Variants in CAMKMT observed in about 807,000 individuals in gnomAD.
CAMKMT encodes the protein calmodulin-lysine N-methyltransferase.
Under a neutral mutation model 48.0 loss-of-function variants are expected in CAMKMT, and 53 were observed. The observed-to-expected ratio is 1.10, with a 90% CI of 0.89 to 1.39. CAMKMT has a LOEUF of 1.39. Among genes scored for constraint, CAMKMT ranks in the 40% most tolerant of loss-of-function variants. CAMKMT has a pLI of 0.00. For synonymous variants in CAMKMT, 165 were observed against 152.3 expected (o/e 1.08, Z -0.61); for missense variants, 428 against 402.7 (o/e 1.06, Z -0.54).
chr2:44,420,649 A>G (rs1157655710), intron 3 of CAMKMT, among the ~76,000 whole-genome samples: 5 of 151,902 alleles, frequency 3.3e-5, no homozygotes, highest in Admixed American at 3.3e-4. Context: ...GCAGTGAGGC[A>G]CCTCCCAGAC....
chr2:44,688,233 G>A (rs1415058863), intron 3 of CAMKMT, among the ~76,000 whole-genome samples: 1 of 152,068 alleles, frequency 6.6e-6, no homozygotes, highest in Non-Finnish European at 1.5e-5. Context: ...CAAGTTGGTT[G>A]GAGACATTTG....
At chr2:44,646,625 C>T (rs1408186384) in intron 3 of CAMKMT, among the ~76,000 whole-genome samples, 4 of 152,190 alleles carry the variant, frequency 2.6e-5, no homozygotes, top group Non-Finnish European at 5.9e-5. Context: ...GTTCTTTAAG[C>T]TAGCCTAGAA....
intron 9 of CAMKMT, among the ~76,000 whole-genome samples, chr2:44,754,688 T>G (rs1463633506): frequency 1.3e-5 from 2 of 152,200 alleles, no homozygotes; most frequent in African/African-American, 4.8e-5. Context: ...TTGTGCACAT[T>G]TTTACATTTA....
intron 3 of CAMKMT, among the ~76,000 whole-genome samples, chr2:44,516,786 G>C (rs188675047): frequency 2.2e-4 from 32 of 142,904 alleles, no homozygotes; most frequent in Non-Finnish European, 4.0e-4. Flanking sequence ...CTGTCACCCA[G>C]GTTGGAGTAC....
chr2:44,364,180 G>T (rs1406095454), intron 1 of CAMKMT, among the ~76,000 whole-genome samples: 1 of 152,110 alleles, frequency 6.6e-6, no homozygotes. Flanking sequence ...AAAAACTACA[G>T]CACTTATGTT....
Position 44,626,773 on chromosome 2 carries a change from G to C in CAMKMT, c.377-77510G>C, listed in dbSNP as rs1385868143. On this transcript the variant is annotated intron_variant, in intron 3 of 10. Transcript: ENST00000378494. ...TTAGGATTTCAACATATGAATTTTG[G>C]GGGGACACAACATTCAGAACATTGC... Among the ~76,000 whole-genome samples the C allele has an allele frequency of 2.6e-5, 4 of 152,080 alleles. 1 individual carries two copies. Among genetic ancestry groups the C allele is most frequent in the Non-Finnish European group, 4.4e-5 (3 of 68,024 alleles).
chr2:44,497,441 A>T (rs190783441), intron 3 of CAMKMT, among the ~76,000 whole-genome samples: 116 of 152,268 alleles, frequency 7.6e-4, no homozygotes, highest in African/African-American at 2.7e-3. Flanking sequence ...TCATTCTTTC[A>T]TATTAATTTT....
intron 7 of CAMKMT, among the ~76,000 whole-genome samples, chr2:44,740,994 C>G (rs1252692937): frequency 6.6e-6 from 1 of 152,122 alleles, no homozygotes; most frequent in African/African-American, 2.4e-5. Context: ...AGGAGTGCCA[C>G]TCAATGAGTA....
chr2:44,647,337 T>A (rs1039741715), intron 3 of CAMKMT, among the ~76,000 whole-genome samples: 5 of 152,226 alleles, frequency 3.3e-5, no homozygotes, highest in Non-Finnish European at 5.9e-5. Context: ...TCACGTTGGT[T>A]TATCACTGGG....
At chr2:44,699,754 C>T (rs1677159678) in intron 3 of CAMKMT, among the ~76,000 whole-genome samples, 1 of 152,148 alleles carries the variant, frequency 6.6e-6, no homozygotes, top group African/African-American at 2.4e-5. Context: ...CGATAGGCAC[C>T]TGCCACTGAG....
At chr2:44,431,594 A>T (rs1035826075) in intron 3 of CAMKMT, among the ~76,000 whole-genome samples, 1 of 152,120 alleles carries the variant, frequency 6.6e-6, no homozygotes, top group African/African-American at 2.4e-5. Flanking sequence ...ATCTCTTCTG[A>T]TGGAAAAAAT....
chr2:44,377,113 C>T (rs1022780494), intron 2 of CAMKMT, among the ~76,000 whole-genome samples: 2 of 151,984 alleles, frequency 1.3e-5, no homozygotes, highest in African/African-American at 2.4e-5. Flanking sequence ...CTTAAGCAAT[C>T]CGCCCGCCTT....
At chr2:44,420,526 G>T (rs1195067980) in intron 3 of CAMKMT, among the ~76,000 whole-genome samples, 2 of 151,774 alleles carry the variant, frequency 1.3e-5, no homozygotes, top group Admixed American at 6.6e-5. Context: ...ATGTATATGT[G>T]GACCTGTGCA....
chr2:44,379,461 A>C (rs1680024593), intron 2 of CAMKMT, among the ~76,000 whole-genome samples: 1 of 152,108 alleles, frequency 6.6e-6, no homozygotes, highest in Non-Finnish European at 1.5e-5. Context: ...TGGTATCTCT[A>C]TGTTTAACTT....
At chr2:44,716,201 G>T (rs987978393) in intron 7 of CAMKMT, among the ~76,000 whole-genome samples, 1 of 152,030 alleles carries the variant, frequency 6.6e-6, no homozygotes, top group Non-Finnish European at 1.5e-5. Flanking sequence ...TCATCATTTG[G>T]TATTTTGAAT....
At chr2:44,363,987 C>T (rs1357642340) in intron 1 of CAMKMT, among the ~76,000 whole-genome samples, 1 of 150,100 alleles carries the variant, frequency 6.7e-6, no homozygotes, top group Non-Finnish European at 1.5e-5. Context: ...ACCATGCCTG[C>T]CACGCCCACC....
intron 2 of CAMKMT, among the ~76,000 whole-genome samples, chr2:44,376,560 A>ATCAGCACTTGT (rs1679718995): frequency 6.6e-6 from 1 of 152,196 alleles, no homozygotes; most frequent in Non-Finnish European, 1.5e-5. Context: ...ACACAGGGTG[A>ATCAGCACTTGT]TCAGCACTTG....
intron 3 of CAMKMT, among the ~76,000 whole-genome samples, chr2:44,605,367 TTGG>T (rs1240239594): frequency 1.3e-5 from 2 of 152,118 alleles, no homozygotes; most frequent in Non-Finnish European, 2.9e-5. Flanking sequence ...TTGAACATAC[TTGG>T]TGGTGGCATG....
At chr2:44,374,025 G>C (rs1679432504) in intron 2 of CAMKMT, among the ~76,000 whole-genome samples, 1 of 149,736 alleles carries the variant, frequency 6.7e-6, no homozygotes, top group Non-Finnish European at 1.5e-5. Flanking sequence ...TCCAGAGGCT[G>C]AGGTGGAAAG....
Sources: allele counts gnomAD v4.1 joint callset (sites outside exome capture counted in the v4.1 genomes callset), GRCh38; gene constraint gnomAD v4.1.1; transcripts MANE v1.5; gene names NCBI Gene and HGNC (gene_info 2026-07-23, HGNC 2026-07-21).